Variants in CRYBG3 observed in about 807,000 individuals in gnomAD.
CRYBG3 encodes the protein crystallin beta-gamma domain containing 3.
CRYBG3 carries 127 observed loss-of-function variants against 244.2 expected under a neutral mutation model. That is an observed-to-expected ratio of 0.52 (90% confidence interval 0.45 to 0.60). The LOEUF is 0.60. Ranked by LOEUF, CRYBG3 falls within the 20% of genes least tolerant of loss-of-function variation. The pLI is 0.00. For synonymous variants in CRYBG3, 1,132 were observed against 1,195.8 expected, an observed-to-expected ratio of 0.95 and a Z score of 1.10; for missense variants, 3,325 against 3,442.5, an observed-to-expected ratio of 0.97 and a Z score of 0.85.
intron 19 of CRYBG3, among the ~76,000 whole-genome samples, chr3:97,939,522 A>C (rs1163678574): frequency 6.6e-6 from 1 of 152,008 alleles, no homozygotes; most frequent in African/African-American, 2.4e-5. Context: ...CAGTGTTTTT[A>C]AGTATAATTA....
At chr3:97,822,627 C>T (rs552796955) in intron 1 of CRYBG3, among the ~76,000 whole-genome samples, 2 of 152,378 alleles carry the variant, frequency 1.3e-5, no homozygotes, top group African/African-American at 4.8e-5. Context: ...CCGCGCTCTT[C>T]CTTTCCCACT....
intron 3 of CRYBG3, among the ~76,000 whole-genome samples, chr3:97,868,177 G>A (rs1376331376): frequency 2.0e-5 from 3 of 151,840 alleles, no homozygotes; most frequent in Non-Finnish European, 4.4e-5. Context: ...CCAGCTACTC[G>A]GGAGGCTGAG....
At position 97,872,768 on chromosome 3, in the gene CRYBG3, G is replaced by C. The variant is rs1455267183; in HGVS notation, c.1574G>C (p.Arg525Thr). ...AQDSQKNVAV[R>T]EIRRETESAS... is the part of the protein sequence containing the mutation. Reference sequence around the variant, plus strand: ...GACTCACAGAAAAATGTGGCTGTTAGAGAAATCAGGCGAGAAACAGAAAGT... The same window carrying C: ...GACTCACAGAAAAATGTGGCTGTTACAGAAATCAGGCGAGAAACAGAAAGT... The change falls in exon 4 of 22, where the codon AGA becomes ACA. Residue 525 changes from arginine (R) to threonine (T), a missense_variant. Physicochemically the swap from Arg to Thr is moderately conservative, Grantham distance 71. Around this residue, in one of 4 missense-constraint regions of CRYBG3, gnomAD observed 1,526 missense variants for 1,443.2 expected, o/e 1.06. Transcript: ENST00000389622. 2 of 1,535,796 alleles carry C rather than the reference G, an allele frequency of 1.3e-6. No individual in the cohort carries two copies. Among genetic ancestry groups the C allele is most frequent in the Non-Finnish European group, 1.7e-6 (2 of 1,146,776 alleles).
chr3:97,851,904 C>T (rs2038991670), intron 2 of CRYBG3, among the ~76,000 whole-genome samples: 1 of 152,106 alleles, frequency 6.6e-6, no homozygotes, highest in Admixed American at 6.5e-5. Flanking sequence ...CCGGTTAGGC[C>T]ACCGATAACA....
At chr3:97,927,680 T>A (rs1172181741) in intron 17 of CRYBG3, among the ~76,000 whole-genome samples, 1 of 151,912 alleles carries the variant, frequency 6.6e-6, no homozygotes, top group African/African-American at 2.4e-5. Flanking sequence ...AGGTCTAATA[T>A]CCAGAATCTA....
chr3:97,939,421 A>G lies in CRYBG3; in HGVS notation c.8506-1727A>G, dbSNP rs2040201482. Among the ~76,000 whole-genome samples, 3 of 152,014 alleles carry G rather than the reference A, an allele frequency of 2.0e-5. No homozygotes were observed. The South Asian group carries it at 6.2e-4, about 31-fold the overall frequency. On this transcript the variant is annotated intron_variant, in intron 19 of 21. Transcript: ENST00000389622. ...AAGGCTGTTGGTACTGCTTTGGTTC[A>G]TATTCTTGTTTAGAAATTCAGGACT... is the stretch of plus-strand genomic sequence containing the variant.
chr3:97,932,772 G>A (rs554542778), intron 17 of CRYBG3, among the ~76,000 whole-genome samples: 5 of 152,140 alleles, frequency 3.3e-5, no homozygotes, highest in South Asian at 2.1e-4. Flanking sequence ...CTGATTTGCC[G>A]TTCCCCCAAC....
chr3:97,857,169 T>C (rs930788885), intron 2 of CRYBG3, among the ~76,000 whole-genome samples: 1 of 152,142 alleles, frequency 6.6e-6, no homozygotes, highest in African/African-American at 2.4e-5. Flanking sequence ...TCCATGTGTT[T>C]GTACAGTTTC....
chr3:97,831,834 A>G (rs571784227), intron 1 of CRYBG3, among the ~76,000 whole-genome samples: 3 of 152,252 alleles, frequency 2.0e-5, no homozygotes, highest in African/African-American at 7.2e-5. Flanking sequence ...CTCTCCTTCA[A>G]AAATCTCATC....
At chr3:97,931,702 A>C (rs1322893668) in intron 17 of CRYBG3, among the ~76,000 whole-genome samples, 1 of 152,104 alleles carries the variant, frequency 6.6e-6, no homozygotes, top group Non-Finnish European at 1.5e-5. Context: ...GCATGTCCCA[A>C]GCCATGACTT....
At chr3:97,889,826 G>A (rs561922547) in intron 10 of CRYBG3, among the ~76,000 whole-genome samples, 2 of 152,120 alleles carry the variant, frequency 1.3e-5, no homozygotes, top group African/African-American at 4.8e-5. Context: ...TTGTAAGTAT[G>A]AGTATCCAAA....
rs776290102 is a variant in CRYBG3 at position 97,862,419 on chromosome 3, G to A, written c.217-1798G>A. On this transcript the variant is annotated intron_variant, in intron 2 of 21. Transcript: ENST00000389622. ...CTGTAGTTCGCTTTCTTCAAGTGGC[G>A]ACATAGGATGAGCAGCCACTTCATA... Among the ~76,000 whole-genome samples, 34 of 152,158 alleles carry A rather than the reference G, an allele frequency of 2.2e-4. 1 individual carries two copies. The highest frequency in any genetic ancestry group is 6.8e-3 in the Middle Eastern group (2 of 294).
chr3:97,873,179 GAGTTGGGATGCTGAGCA>G lies in CRYBG3; in HGVS notation c.1992_2008del (p.Met665TyrfsTer3). The G allele has an allele frequency of 6.5e-7, 1 of 1,535,868 alleles. No homozygotes were observed. Among genetic ancestry groups the G allele is most frequent in the Non-Finnish European group, 8.7e-7 (1 of 1,146,800 alleles). On this transcript the variant is annotated frameshift_variant, in exon 4 of 22. Coordinates refer to ENST00000389622, the MANE Select transcript of CRYBG3 (RefSeq NM_153605.4). LOFTEE classifies it high-confidence loss of function. ...ATTTCACCTCCTACCTTTGTTTCTG[GAGTTGGGATGCTGAGCA>G]AGTTGGATATTCCTGATTTAATGAA...
At chr3:97,852,028 G>A (rs1317416654) in intron 2 of CRYBG3, among the ~76,000 whole-genome samples, 1 of 152,198 alleles carries the variant, frequency 6.6e-6, no homozygotes, top group Non-Finnish European at 1.5e-5. Context: ...GCATGGCCAA[G>A]TTCAGTTTGG....
rs1462157505 is a variant in CRYBG3 at position 97,905,843 on chromosome 3, G to C, written c.8004+5358G>C. On this transcript the variant is annotated intron_variant, in intron 15 of 21. Transcript: ENST00000389622. Reference sequence around the variant, plus strand: ...CCATGCCTATGTCCTGAATGGTATTGCCTAGGTTTTCTTCTAGGGTTTTTA... The same window carrying C: ...CCATGCCTATGTCCTGAATGGTATTCCCTAGGTTTTCTTCTAGGGTTTTTA... Among the ~76,000 whole-genome samples, 3 of 106,260 alleles carry C rather than the reference G, an allele frequency of 2.8e-5. 1 individual carries two copies. Among genetic ancestry groups the C allele is most frequent in the African/African-American group, 9.4e-5 (3 of 32,040 alleles). The allele number at this position is 106,260 out of a possible 152,430, so 69.7% of individuals were successfully genotyped here.
At chr3:97,943,135 A>G in intron 21 of CRYBG3, 91 bp from the exon 22 acceptor site, 1 of 704,792 alleles carries the variant, frequency 1.4e-6, no homozygotes, top group Non-Finnish European at 2.5e-6. Context: ...ATCCACCGAA[A>G]TGGTGAGCTG....
intron 2 of CRYBG3, among the ~76,000 whole-genome samples, chr3:97,859,620 C>T (rs1445712509): frequency 6.6e-6 from 1 of 152,126 alleles, no homozygotes; most frequent in Non-Finnish European, 1.5e-5. Context: ...TAGTTTTAGC[C>T]TGTTCATTTG....
At chr3:97,920,437 G>A (rs1020967324) in intron 17 of CRYBG3, among the ~76,000 whole-genome samples, 16 of 151,992 alleles carry the variant, frequency 1.1e-4, no homozygotes, top group Non-Finnish European at 1.8e-4. Flanking sequence ...ATTCCACATG[G>A]GTCTTCAGCA....
chr3:97,903,790 C>T (rs78998520), intron 15 of CRYBG3, among the ~76,000 whole-genome samples: 6,728 of 152,112 alleles, frequency 0.044, 195 homozygotes, highest in Non-Finnish European at 0.063. Context: ...GTAAAATCTT[C>T]ATAATATAGT....
Sources: gnomAD v4.1 joint callset for allele counts (sites outside exome capture counted in the v4.1 genomes callset) on GRCh38, gnomAD v4.1.1 for gene constraint, gnomAD v4.1.1 regional missense constraint, MANE v1.5 for transcripts, NCBI Gene and HGNC (gene_info 2026-07-23, HGNC 2026-07-21) for gene names.